The following ASXL2 variants were observed in gnomAD, a reference collection of about 807,000 sequenced individuals.
ASXL2 encodes the protein ASXL transcriptional regulator 2.
In ASXL2, 23 loss-of-function variants were observed where a neutral mutation model predicts 122.0. The ratio of observed to expected loss-of-function variants is 0.19; its 90% CI spans 0.14 to 0.27. The LOEUF (loss-of-function observed/expected upper bound fraction) is 0.27, where lower values mean the gene tolerates loss of function less well. Ranked by LOEUF, ASXL2 falls within the 10% of genes least tolerant of loss-of-function variation. The pLI, the probability that ASXL2 is intolerant of heterozygous loss-of-function variation, is 1.00. For missense variants in ASXL2, 1,518 were observed against 1,713.8 expected (o/e 0.89, Z 2.02); for synonymous variants, 650 against 637.0 (o/e 1.02, Z -0.31).
chr2:25,779,084 A>ATTTTTTTTTT (rs33911748), intron 5 of ASXL2, among the ~76,000 whole-genome samples: 3 of 99,412 alleles, frequency 3.0e-5, no homozygotes, highest in Admixed American at 1.2e-4. Flanking sequence ...CTTTTTTCTG[A>ATTTTTTTTTT]TTTTTTTTTT....
chr2:25,770,966 G>A (rs867603491), intron 6 of ASXL2, among the ~76,000 whole-genome samples: 11 of 152,152 alleles, frequency 7.2e-5, no homozygotes, highest in Admixed American at 3.3e-4. Context: ...GGCCAGGTGC[G>A]GTGGCACACG....
chr2:25,758,106 G>GT (rs1260806143), intron 9 of ASXL2, among the ~76,000 whole-genome samples: 2 of 152,156 alleles, frequency 1.3e-5, no homozygotes, highest in Non-Finnish European at 2.9e-5. Flanking sequence ...CCCCACTGCT[G>GT]TAAGAATACC....
At chr2:25,782,911 T>C (rs1018703286) in intron 5 of ASXL2, among the ~76,000 whole-genome samples, 1 of 152,138 alleles carries the variant, frequency 6.6e-6, no homozygotes, top group Non-Finnish European at 1.5e-5. Flanking sequence ...GCGGATCACT[T>C]GAGGTCAGGA....
chr2:25,846,764 C>G (rs1421299265), intron 1 of ASXL2, among the ~76,000 whole-genome samples: 1 of 152,078 alleles, frequency 6.6e-6, no homozygotes, highest in African/African-American at 2.4e-5. Context: ...TGCAGTAAGC[C>G]GAGATTGTGC....
intron 6 of ASXL2, among the ~76,000 whole-genome samples, chr2:25,770,621 G>A (rs1463986747): frequency 2.0e-5 from 3 of 152,158 alleles, no homozygotes; most frequent in Admixed American, 6.5e-5. Context: ...CAGGCGTGGT[G>A]ATGGGTGCCT....
At chr2:25,829,657 AT>A (rs2089427088) in intron 3 of ASXL2, among the ~76,000 whole-genome samples, 1 of 152,230 alleles carries the variant, frequency 6.6e-6, no homozygotes, top group South Asian at 2.1e-4. Flanking sequence ...AATTTTACCA[AT>A]TCCTGGCATT....
chr2:25,746,789 T>C (rs2087950152), intron 12 of ASXL2, among the ~76,000 whole-genome samples: 1 of 151,614 alleles, frequency 6.6e-6, no homozygotes, highest in Non-Finnish European at 1.5e-5. Context: ...ATAAATCATA[T>C]TTCTTTTTAA....
chr2:25,869,165 C>CAA (rs566674511), intron 1 of ASXL2, among the ~76,000 whole-genome samples: 3 of 94,728 alleles, frequency 3.2e-5, no homozygotes, highest in African/African-American at 4.0e-5. Context: ...GACCTCATCT[C>CAA]AAAAAAAAAA....
chr2:25,754,337 T>C (rs145785686), intron 10 of ASXL2, among the ~76,000 whole-genome samples: 7 of 152,322 alleles, frequency 4.6e-5, no homozygotes, highest in Admixed American at 1.3e-4. Flanking sequence ...TTCAAACTTG[T>C]GGCTCAGATA....
intron 3 of ASXL2, among the ~76,000 whole-genome samples, chr2:25,816,838 T>C (rs774911772): frequency 4.3e-4 from 66 of 152,120 alleles, no homozygotes; most frequent in Admixed American, 5.9e-4. Flanking sequence ...ATAGAAAACA[T>C]TCTTGGCTTG....
chr2:25,858,834 T>TG (rs2089812713), intron 1 of ASXL2, among the ~76,000 whole-genome samples: 1 of 149,000 alleles, frequency 6.7e-6, no homozygotes, highest in South Asian at 2.1e-4. Context: ...TTTTTGGAGA[T>TG]GGAGTCTCGC....
chr2:25,828,307 C>G (rs2089402922), intron 3 of ASXL2, among the ~76,000 whole-genome samples: 1 of 151,674 alleles, frequency 6.6e-6, no homozygotes, highest in African/African-American at 2.4e-5. Flanking sequence ...GAGTTCGAGA[C>G]CAGCCTGACC....
chr2:25,836,777 C>T (rs1321705642), intron 2 of ASXL2, among the ~76,000 whole-genome samples: 1 of 152,084 alleles, frequency 6.6e-6, no homozygotes, highest in African/African-American at 2.4e-5. Flanking sequence ...AAGATTCAAA[C>T]TCACCACAAT....
chr2:25,790,353 C>G (rs2088812164), intron 5 of ASXL2, among the ~76,000 whole-genome samples: 1 of 145,222 alleles, frequency 6.9e-6, no homozygotes, highest in Non-Finnish European at 1.5e-5. Context: ...AGCGCATGAG[C>G]AAGGTTTCCT....
In ASXL2 at chr2:25,742,457, G is replaced by A. The variant is rs984403631; in HGVS notation, c.3880C>T (p.Leu1294Phe). The A allele has an allele frequency of 1.2e-6, 2 of 1,612,498 alleles. No homozygotes were observed. Among genetic ancestry groups the A allele is most frequent in the Non-Finnish European group, 1.7e-6 (2 of 1,179,240 alleles). The change falls in exon 13 of 13, where the codon CTT becomes TTT. Residue 1294 changes from leucine to phenylalanine, a missense_variant. This residue lies in a region of ASXL2 where 831 missense variants were observed against 833.1 expected (regional missense o/e 1.00). Coordinates refer to ENST00000435504, the MANE Select transcript of ASXL2 (RefSeq NM_018263.6). Reference protein sequence around the residue: ...SSPELFSSTVLPLPADSPTHQ... With the variant: ...SSPELFSSTVFPLPADSPTHQ... ...GTGGGGCTGTCTGCAGGCAGAGGAA[G>A]AACAGTAGAACTGAAAAGCTCGGGG...
chr2:25,740,046 C>T lies in ASXL2; in HGVS notation c.*1983G>A. The T allele has an allele frequency of 4.4e-6, 1 of 226,382 alleles. No individual in the cohort carries two copies. Among genetic ancestry groups the T allele is most frequent in the East Asian group, 6.3e-5 (1 of 15,762 alleles). 14.0% of individuals were successfully genotyped at this position (226,382 alleles called of 1,614,324 possible). A position where few individuals can be genotyped will look rare whatever the true frequency, so the allele number is the denominator to read the frequency against. The stretch of plus-strand genomic sequence containing the variant: ...TGGTTCTTGGCTTGAAAATATACTC[C>T]TTATCCCCAATCCTTGCAGCCTTCT... On this transcript the variant is annotated 3_prime_UTR_variant, in exon 13 of 13. Transcript: ENST00000435504.
chr2:25,814,424 A>G (rs2089210359), intron 3 of ASXL2, among the ~76,000 whole-genome samples: 1 of 152,260 alleles, frequency 6.6e-6, no homozygotes, highest in Non-Finnish European at 1.5e-5. Context: ...TGAGATCAAT[A>G]CCAACTTAAA....
Position 25,878,362 on chromosome 2 carries a change from A to C in ASXL2, c.-140T>G. 1.3e-5 allele frequency: 9 copies of C among 675,676 alleles called. No individual in the cohort carries two copies. Among genetic ancestry groups the C allele is most frequent in the East Asian group, 3.3e-5 (1 of 30,696 alleles). The allele number at this position is 675,676 out of a possible 1,614,324, so 41.9% of individuals were successfully genotyped here. A position where few individuals can be genotyped will look rare whatever the true frequency, so the allele number is the denominator to read the frequency against. ...AGTCAGACCGGGGGGGCACCCAAGCAGAGGAAGCGGCGGGGGTGGTGCGCG... is the reference window on the plus strand; with the variant it reads ...AGTCAGACCGGGGGGGCACCCAAGCCGAGGAAGCGGCGGGGGTGGTGCGCG... On this transcript the variant is annotated 5_prime_UTR_variant, in exon 1 of 13. Transcript: ENST00000435504.
chr2:25,842,604 C>T (rs13418437), intron 2 of ASXL2, among the ~76,000 whole-genome samples: 41,386 of 151,616 alleles, frequency 0.27, 5,949 homozygotes, highest in African/African-American at 0.31. Flanking sequence ...CTGCCTGCCT[C>T]GGCCTCCCAA....
Sources: allele counts gnomAD v4.1 joint callset (sites outside exome capture counted in the v4.1 genomes callset), GRCh38; gene constraint gnomAD v4.1.1; regional missense constraint gnomAD v4.1.1; transcripts MANE v1.5; gene names NCBI Gene and HGNC (gene_info 2026-07-23, HGNC 2026-07-21).